NRG1: variants seen among roughly 807,000 people sequenced by gnomAD.
The protein encoded by NRG1 is pro-neuregulin-1, membrane-bound isoform.
Under a neutral mutation model 63.8 loss-of-function variants are expected in NRG1, and 18 were observed. The observed-to-expected ratio is 0.28, with a 90% CI of 0.19 to 0.42. NRG1 has a LOEUF of 0.42. Among genes scored for constraint, NRG1 ranks in the 10% least tolerant of loss-of-function variants. NRG1 has a pLI of 1.00. For synonymous variants in NRG1, 302 were observed against 301.3 expected, an observed-to-expected ratio of 1.00 and a Z score of -0.02; for missense variants, 762 against 814.7, an observed-to-expected ratio of 0.94 and a Z score of 0.79.
At chr8:32,242,488 A>G (rs1563222610) in intron 1 of NRG1, among the ~76,000 whole-genome samples, 1 of 152,226 alleles carries the variant, frequency 6.6e-6, no homozygotes, top group Non-Finnish European at 1.5e-5. Flanking sequence ...AGAAAAAAGA[A>G]AAAGAAAAAT....
chr8:32,268,884 T>A (rs1851264678), intron 1 of NRG1, among the ~76,000 whole-genome samples: 1 of 152,178 alleles, frequency 6.6e-6, no homozygotes, highest in Admixed American at 6.5e-5. Flanking sequence ...GTCCCATCCC[T>A]TGAAGCATGG....
chr8:31,945,994 C>T (rs1023615542), intron 1 of NRG1, among the ~76,000 whole-genome samples: 1 of 152,188 alleles, frequency 6.6e-6, no homozygotes, highest in African/African-American at 2.4e-5. Context: ...TGGAATTTCT[C>T]TGGGCTGCCC....
chr8:31,901,775 T>C (rs1293881002), intron 1 of NRG1, among the ~76,000 whole-genome samples: 1 of 152,232 alleles, frequency 6.6e-6, no homozygotes, highest in Non-Finnish European at 1.5e-5. Context: ...ATATGACTCA[T>C]TGAAGCTCCA....
intron 5 of NRG1, among the ~76,000 whole-genome samples, chr8:32,725,141 G>C (rs760233353): frequency 3.3e-5 from 5 of 152,062 alleles, no homozygotes; most frequent in Admixed American, 2.6e-4. Context: ...TCTACATTTG[G>C]GGGGGAGTTG....
chr8:31,876,726 A>G (rs1362676790), intron 1 of NRG1, among the ~76,000 whole-genome samples: 2 of 152,188 alleles, frequency 1.3e-5, no homozygotes, highest in East Asian at 1.9e-4. Flanking sequence ...TATCTACCCA[A>G]TAATTCACTT....
chr8:32,137,726 C>A (rs1266532390), intron 1 of NRG1, among the ~76,000 whole-genome samples: 1 of 152,158 alleles, frequency 6.6e-6, no homozygotes, highest in Non-Finnish European at 1.5e-5. Context: ...CACAGCCAGC[C>A]ATCCTCATCC....
chr8:31,778,612 TGTTA>T (rs1819386300), intron 1 of NRG1, among the ~76,000 whole-genome samples: 1 of 152,162 alleles, frequency 6.6e-6, no homozygotes, highest in African/African-American at 2.4e-5. Flanking sequence ...TTGCCTGGCT[TGTTA>T]GTTTTGTAAG....
At chr8:31,823,111 C>T (rs931193861) in intron 1 of NRG1, among the ~76,000 whole-genome samples, 4 of 137,794 alleles carry the variant, frequency 2.9e-5, no homozygotes, top group Admixed American at 1.6e-4. Flanking sequence ...GAATGCTGTC[C>T]TTGTTCTTTT....
chr8:32,580,239 G>A (rs1840399071), intron 1 of NRG1, among the ~76,000 whole-genome samples: 1 of 152,106 alleles, frequency 6.6e-6, no homozygotes, highest in Admixed American at 6.6e-5. Context: ...TCATATCTGT[G>A]AAGTCCCTTT....
chr8:31,945,514 T>C (rs1161449983), intron 1 of NRG1, among the ~76,000 whole-genome samples: 1 of 152,086 alleles, frequency 6.6e-6, no homozygotes, highest in Non-Finnish European at 1.5e-5. Context: ...GAGAATTGAG[T>C]AGAGATAAAT....
chr8:32,684,903 A>T (rs1169667926), intron 5 of NRG1, among the ~76,000 whole-genome samples: 1 of 152,192 alleles, frequency 6.6e-6, no homozygotes, highest in Non-Finnish European at 1.5e-5. Flanking sequence ...CTAGCTGAAA[A>T]TTTAAATATA....
At chr8:32,683,454 G>A (rs1337774630) in intron 5 of NRG1, among the ~76,000 whole-genome samples, 2 of 152,174 alleles carry the variant, frequency 1.3e-5, no homozygotes, top group East Asian at 1.9e-4. Flanking sequence ...GAGATGGAAA[G>A]GGTGGAATCA....
At chr8:31,904,335 C>T (rs1358579083) in intron 1 of NRG1, among the ~76,000 whole-genome samples, 1 of 152,112 alleles carries the variant, frequency 6.6e-6, no homozygotes, top group Non-Finnish European at 1.5e-5. Context: ...TCAAGATCAT[C>T]TAGACTTGTA....
intron 1 of NRG1, among the ~76,000 whole-genome samples, chr8:32,305,233 T>A (rs1236966245): frequency 6.6e-6 from 1 of 152,278 alleles, no homozygotes; most frequent in Non-Finnish European, 1.5e-5. Context: ...GATAAAACTT[T>A]AAAAAATTGA....
downstream of NRG1, among the ~76,000 whole-genome samples, chr8:32,770,824 A>C (rs752679846): frequency 2.7e-4 from 41 of 152,182 alleles, no homozygotes; most frequent in Middle Eastern, 3.2e-3. Context: ...AAACTTGAAT[A>C]CATGTAAGGA....
intron 1 of NRG1, among the ~76,000 whole-genome samples, chr8:32,285,982 A>G (rs572072442): frequency 1.3e-5 from 2 of 152,352 alleles, no homozygotes; most frequent in African/African-American, 4.8e-5. Flanking sequence ...AAGCACTCTC[A>G]TAAGTACTGC....
chr8:32,122,334 T>C (rs112188420), intron 1 of NRG1, among the ~76,000 whole-genome samples: 3,593 of 152,048 alleles, frequency 0.024, 154 homozygotes, highest in African/African-American at 0.082. Context: ...TGGTGGGTTT[T>C]TGGTAGTCAC....
chr8:32,283,001 C>A (rs1474905307), intron 1 of NRG1, among the ~76,000 whole-genome samples: 1 of 151,966 alleles, frequency 6.6e-6, no homozygotes, highest in African/African-American at 2.4e-5. Flanking sequence ...ACATATAATA[C>A]CAATTTCTGT....
chr8:32,669,115 A>G (rs1180330108), intron 5 of NRG1, among the ~76,000 whole-genome samples: 1 of 152,222 alleles, frequency 6.6e-6, no homozygotes, highest in African/African-American at 2.4e-5. Context: ...CTCTGCCATT[A>G]TGCTGCTTAT....
Sources: gnomAD v4.1 joint callset for allele counts (sites outside exome capture counted in the v4.1 genomes callset) on GRCh38, gnomAD v4.1.1 for gene constraint, MANE v1.5 for transcripts, NCBI Gene and HGNC (gene_info 2026-07-23, HGNC 2026-07-21) for gene names.